Variants in MID1 observed in about 807,000 individuals in gnomAD.
MID1 encodes midline 1, also known as E3 ubiquitin-protein ligase Midline-1.
In MID1, 7 loss-of-function variants were observed where a neutral mutation model predicts 40.4. The observed-to-expected ratio is 0.17, with a 90% CI of 0.10 to 0.33. The LOEUF (loss-of-function observed/expected upper bound fraction) is 0.33, where lower values mean the gene tolerates loss of function less well. MID1 is among the 10% of genes least tolerant of loss of function. The probability of loss-of-function intolerance (pLI) is 1.00; values close to 1 mark genes in which losing one functional copy is unlikely to be tolerated. For synonymous variants in MID1, 229 were observed against 221.2 expected (o/e 1.04, Z -0.31); for missense variants, 367 against 558.5 (o/e 0.66, Z 3.46).
At chrX:10,824,687 A>G (rs1167536937) in intron 1 of MID1, among the ~76,000 whole-genome samples, 3 of 112,118 alleles carry the variant, frequency 2.7e-5, no homozygotes, top group Admixed American at 9.5e-5. Context: ...CTTGAAATCC[A>G]TTTGTGCTAA....
upstream of MID1, among the ~76,000 whole-genome samples, chrX:10,622,459 A>G (rs1446012462): frequency 8.9e-6 from 1 of 111,806 alleles, no homozygotes; most frequent in Non-Finnish European, 1.9e-5. Flanking sequence ...CAACTATCCA[A>G]CAATCTCAAA....
intron 1 of MID1, among the ~76,000 whole-genome samples, chrX:10,736,965 C>T (rs2043492073): frequency 9.0e-6 from 1 of 111,702 alleles, no homozygotes; most frequent in South Asian, 3.7e-4. Context: ...TATAGATTCA[C>T]ACATGTATAG....
intron 1 of MID1, among the ~76,000 whole-genome samples, chrX:10,752,000 T>C (rs1193648026): frequency 9.0e-6 from 1 of 111,703 alleles, no homozygotes; most frequent in Non-Finnish European, 1.9e-5. Flanking sequence ...TCTCTTGCCA[T>C]GTGACATGGC....
intron 1 of MID1, among the ~76,000 whole-genome samples, chrX:10,699,863 C>T (rs2043184472): frequency 9.3e-6 from 1 of 107,738 alleles, no homozygotes; most frequent in Non-Finnish European, 1.9e-5. Context: ...ACTCTTGTTG[C>T]CCAGGTTGGA....
intron 7 of MID1, among the ~76,000 whole-genome samples, chrX:10,465,212 TATACACACACACACACACACAC>T (rs1380641825): frequency 1.1e-4 from 6 of 56,048 alleles, no homozygotes; most frequent in Admixed American, 1.8e-4. Context: ...TATATATATA[TATACACACACACACACACACAC>T]ACACACACAC....
intron 1 of MID1, among the ~76,000 whole-genome samples, chrX:10,716,242 C>T (rs77340201): frequency 8.9e-6 from 1 of 111,973 alleles, no homozygotes; most frequent in African/African-American, 3.2e-5. Context: ...GATCAGACTA[C>T]TCCGACCTAA....
intron 1 of MID1, among the ~76,000 whole-genome samples, chrX:10,765,242 C>G: frequency 8.9e-6 from 1 of 112,141 alleles, no homozygotes; most frequent in Non-Finnish European, 1.9e-5. Flanking sequence ...GCAGAGTGAA[C>G]TAGCTCAAGA....
chrX:10,453,462 C>T (rs1334302274), intron 9 of MID1, among the ~76,000 whole-genome samples: 1 of 112,158 alleles, frequency 8.9e-6, no homozygotes, highest in Non-Finnish European at 1.9e-5. Flanking sequence ...AGCTATCACT[C>T]ATTACGTACA....
intron 2 of MID1, among the ~76,000 whole-genome samples, chrX:10,554,535 T>G (rs1040727426): frequency 4.5e-5 from 5 of 112,010 alleles, no homozygotes; most frequent in African/African-American, 1.6e-4. Context: ...ATTTATGGGG[T>G]ACATGTGATA....
chrX:10,703,646 G>A (rs754495693), intron 1 of MID1, among the ~76,000 whole-genome samples: 6 of 111,758 alleles, frequency 5.4e-5, no homozygotes, highest in Admixed American at 9.5e-5. Context: ...CAGCCCGGGC[G>A]ACAGAGTGAG....
chrX:10,510,660 G>T lies in MID1; in HGVS notation c.756+12432C>A, dbSNP rs933440224. On this transcript the variant is annotated intron_variant, in intron 3 of 9. Coordinates refer to ENST00000317552, the MANE Select transcript of MID1 (RefSeq NM_000381.4). ...ATCCTGGCCAACTTGGCGAAATCCC[G>T]GTCTCTACTAAAAATACAAAAACTA... Among the ~76,000 whole-genome samples the T allele has an allele frequency of 3.8e-5, 4 of 106,171 alleles. No homozygotes were observed. The Admixed American group carries it at 4.1e-4, about 11-fold the overall frequency. The allele number at this position is 106,171 out of a possible 115,157, so 92.2% of individuals were successfully genotyped here. A position where few individuals can be genotyped will look rare whatever the true frequency, so the allele number is the denominator to read the frequency against.
At chrX:10,462,824 C>G (rs1036975820) in intron 7 of MID1, among the ~76,000 whole-genome samples, 7 of 111,821 alleles carry the variant, frequency 6.3e-5, no homozygotes, top group African/African-American at 2.3e-4. Flanking sequence ...TTAGGAGAGG[C>G]TGCACACTGG....
At chrX:10,745,197 T>G (rs1042520760) in intron 1 of MID1, among the ~76,000 whole-genome samples, 16 of 112,898 alleles carry the variant, frequency 1.4e-4, no homozygotes, top group African/African-American at 5.1e-4. Flanking sequence ...GATGAGAAAA[T>G]GCATGTAAAT....
intron 1 of MID1, among the ~76,000 whole-genome samples, chrX:10,721,929 G>A (rs758280807): frequency 2.7e-5 from 3 of 110,617 alleles, no homozygotes; most frequent in African/African-American, 9.8e-5. Context: ...AAAGAAAGAA[G>A]AAGACGACCT....
chrX:10,480,357 A>G (rs1422239515), intron 5 of MID1, among the ~76,000 whole-genome samples: 1 of 112,260 alleles, frequency 8.9e-6, no homozygotes, highest in East Asian at 2.8e-4. Context: ...TCTTTCAGCA[A>G]TAACTGTTAT....
chrX:10,704,765 C>CACACACACAGAG (rs781699598), intron 1 of MID1, among the ~76,000 whole-genome samples: 10 of 91,630 alleles, frequency 1.1e-4, no homozygotes, highest in African/African-American at 2.2e-4. Context: ...CACACACACA[C>CACACACACAGAG]AGAGAGAGAG....
chrX:10,490,294 G>C (rs1200408863), intron 4 of MID1, among the ~76,000 whole-genome samples: 1 of 111,926 alleles, frequency 8.9e-6, no homozygotes, highest in Admixed American at 9.4e-5. Context: ...TTTCATATTT[G>C]TGAGGCTGTT....
intron 1 of MID1, among the ~76,000 whole-genome samples, chrX:10,741,923 T>C (rs2043525755): frequency 8.9e-6 from 1 of 111,835 alleles, no homozygotes; most frequent in Non-Finnish European, 1.9e-5. Context: ...AAGTATATTA[T>C]GTTTCTATAA....
intron 1 of MID1, among the ~76,000 whole-genome samples, chrX:10,657,305 C>A (rs746100011): frequency 1.8e-5 from 2 of 111,432 alleles, no homozygotes; most frequent in Admixed American, 9.6e-5. Context: ...AATTACATGC[C>A]CTTGAAATTT....
Sources: gnomAD v4.1 joint callset for allele counts (sites outside exome capture counted in the v4.1 genomes callset) on GRCh38, gnomAD v4.1.1 for gene constraint, MANE v1.5 for transcripts, NCBI Gene and HGNC (gene_info 2026-07-23, HGNC 2026-07-21) for gene names.